NXPE4: variants seen among roughly 807,000 people sequenced by gnomAD.
NXPE4 encodes the protein neurexophilin and PC-esterase domain family member 4, also known as NXPE family member 4.
In NXPE4, 42 loss-of-function variants were observed where a neutral mutation model predicts 33.3. The observed-to-expected ratio is 1.26, with a 90% CI of 0.98 to 1.63. NXPE4 has a LOEUF of 1.63. Ranked by LOEUF, NXPE4 falls within the 40% of genes most tolerant of loss-of-function variation. The probability of loss-of-function intolerance (pLI) is 0.00; values close to 1 mark genes in which losing one functional copy is unlikely to be tolerated. For missense variants in NXPE4, 709 were observed against 647.6 expected (o/e 1.09, Z -1.03); for synonymous variants, 253 against 234.9 (o/e 1.08, Z -0.71).
At position 114,582,831 on chromosome 11, in the gene NXPE4, C is replaced by G. The variant is rs1565333616; in HGVS notation, c.287G>C (p.Ser96Thr). Reference protein sequence around the residue: ...RPFTHVNTTTSATHSTATILN... With the variant: ...RPFTHVNTTTTATHSTATILN... ...GATGGTGGCTGTGCTATGTGTGGCG[C>G]TGGTGGTGGTGTTCACGTGGGTGAA... The change falls in exon 3 of 6, where the codon AGC becomes ACC. Residue 96 changes from serine (S) to threonine (T), a missense_variant. Coordinates refer to ENST00000375478, the MANE Select transcript of NXPE4 (RefSeq NM_001077639.2). 1.9e-6 allele frequency: 3 copies of G among 1,614,116 alleles called. No individual in the cohort carries two copies. The highest frequency in any genetic ancestry group is 3.3e-5 in the Admixed American group (2 of 60,014).
chr11:114,612,924 G>A, the NXPE4 span, among the ~76,000 whole-genome samples: 3 of 151,538 alleles, frequency 2.0e-5, no homozygotes, highest in Admixed American at 2.0e-4. Flanking sequence ...GATAATAATT[G>A]TTGCATCGCA....
chr11:114,668,857 G>A, the NXPE4 span, among the ~76,000 whole-genome samples: 1 of 151,974 alleles, frequency 6.6e-6, no homozygotes, highest in Non-Finnish European at 1.5e-5. Flanking sequence ...AACAATATTT[G>A]CAAAACTCTG....
At chr11:114,630,878 C>G in the NXPE4 span, among the ~76,000 whole-genome samples, 4 of 151,818 alleles carry the variant, frequency 2.6e-5, no homozygotes, top group African/African-American at 9.7e-5. Context: ...TGAACAGACA[C>G]TTCTTAAAAG....
upstream of NXPE4, among the ~76,000 whole-genome samples, chr11:114,599,222 A>G (rs556807223): frequency 6.6e-6 from 1 of 152,254 alleles, no homozygotes; most frequent in Non-Finnish European, 1.5e-5. Context: ...AGTGCCTCCA[A>G]GTTCTTCACT....
At chr11:114,674,819 C>T in the NXPE4 span, among the ~76,000 whole-genome samples, 14 of 151,590 alleles carry the variant, frequency 9.2e-5, no homozygotes, top group African/African-American at 1.9e-4. Flanking sequence ...AGCATTGTCC[C>T]GATATCAAAG....
chr11:114,633,344 A>G, the NXPE4 span, among the ~76,000 whole-genome samples: 1 of 141,342 alleles, frequency 7.1e-6, no homozygotes, highest in Non-Finnish European at 1.5e-5. Flanking sequence ...ATTTTATTAT[A>G]TGATTATATT....
chr11:114,633,611 A>T, the NXPE4 span, among the ~76,000 whole-genome samples: 1 of 145,198 alleles, frequency 6.9e-6, no homozygotes, highest in Admixed American at 7.1e-5. Context: ...TATCCCTCCC[A>T]CCCTGCCCCC....
Position 114,582,391 on chromosome 11 carries a change from A to G in NXPE4, c.727T>C (p.Cys243Arg). ...CAGGGCATGTGTTGAGGCCTCACAC[A>G]GTAGAAGCCTTCTTGGTCTCTGTTG... The part of the protein sequence containing the change: ...LDNRDQEGFY[C>R]VRPQHMPCAA... Residue 243 changes from cysteine to arginine, a missense_variant, in exon 3 of 6, where the codon TGT becomes CGT. Physicochemically the swap from Cys to Arg is radical, Grantham distance 180 (BLOSUM62 -3). Coordinates refer to ENST00000375478, the MANE Select transcript of NXPE4 (RefSeq NM_001077639.2). 4 of 1,614,228 alleles carry G rather than the reference A, an allele frequency of 2.5e-6. No homozygotes were observed. The highest frequency in any genetic ancestry group is 1.3e-5 in the African/African-American group (1 of 75,070).
chr11:114,653,899 C>T, the NXPE4 span, among the ~76,000 whole-genome samples: 1 of 152,052 alleles, frequency 6.6e-6, no homozygotes, highest in Non-Finnish European at 1.5e-5. Context: ...GAGCAGCAAT[C>T]TACATTTGTA....
At chr11:114,642,226 A>G in the NXPE4 span, among the ~76,000 whole-genome samples, 1 of 151,984 alleles carries the variant, frequency 6.6e-6, no homozygotes, top group Non-Finnish European at 1.5e-5. Context: ...CCCAGTTCAA[A>G]AAACCCGGTC....
intron 4 of NXPE4, among the ~76,000 whole-genome samples, chr11:114,581,411 TGTG>T (rs1395563590): frequency 1.3e-5 from 2 of 152,068 alleles, no homozygotes; most frequent in African/African-American, 4.8e-5. Context: ...AGAGAGGTGT[TGTG>T]GTGAGGTAAA....
chr11:114,630,458 C>T, the NXPE4 span, among the ~76,000 whole-genome samples: 4 of 151,734 alleles, frequency 2.6e-5, no homozygotes, highest in Admixed American at 2.6e-4. Context: ...GCTGGGAAAA[C>T]TGGCTAGCCA....
intron 5 of NXPE4, among the ~76,000 whole-genome samples, chr11:114,575,808 T>C (rs553889111): frequency 5.9e-4 from 90 of 152,060 alleles, no homozygotes; most frequent in Non-Finnish European, 9.3e-4. Flanking sequence ...GCAATTTTCT[T>C]CAAAATACCA....
chr11:114,630,186 T>C, the NXPE4 span, among the ~76,000 whole-genome samples: 8,581 of 151,772 alleles, frequency 0.057, 632 homozygotes, highest in East Asian at 0.33. Flanking sequence ...AAAGTTCATA[T>C]GGAACCAAAA....
chr11:114,672,921 G>GA, the NXPE4 span, among the ~76,000 whole-genome samples: 1 of 151,168 alleles, frequency 6.6e-6, no homozygotes, highest in African/African-American at 2.4e-5. Flanking sequence ...ATAACAGTAA[G>GA]AAAAAACTCC....
chr11:114,625,044 GT>G, the NXPE4 span, among the ~76,000 whole-genome samples: 1 of 152,040 alleles, frequency 6.6e-6, no homozygotes, highest in East Asian at 1.9e-4. Flanking sequence ...GGTAAACACT[GT>G]TACCCTGTGG....
At chr11:114,618,763 T>C in the NXPE4 span, among the ~76,000 whole-genome samples, 1 of 152,106 alleles carries the variant, frequency 6.6e-6, no homozygotes, top group African/African-American at 2.4e-5. Flanking sequence ...TAGCCACTGT[T>C]ATCTGGTGGA....
At chr11:114,604,312 C>A in the NXPE4 span, among the ~76,000 whole-genome samples, 2 of 151,902 alleles carry the variant, frequency 1.3e-5, no homozygotes, top group African/African-American at 2.4e-5. Flanking sequence ...CAATTCTTAC[C>A]CTGTGGAAAA....
chr11:114,636,073 C>A, the NXPE4 span, among the ~76,000 whole-genome samples: 2 of 129,748 alleles, frequency 1.5e-5, no homozygotes, highest in East Asian at 2.3e-4. Context: ...TGGTAGAATT[C>A]GACTGTGAAT....
Sources: allele counts gnomAD v4.1 joint callset (sites outside exome capture counted in the v4.1 genomes callset), GRCh38; gene constraint gnomAD v4.1.1; transcripts MANE v1.5; gene names NCBI Gene and HGNC (gene_info 2026-07-23, HGNC 2026-07-21).